MASP2: variants seen among roughly 807,000 people sequenced by gnomAD.
The protein encoded by MASP2 is mannan-binding lectin serine protease 2.
A neutral mutation model predicts 57.1 loss-of-function variants in MASP2; 49 were observed. That is an observed-to-expected ratio of 0.86 (90% CI 0.68 to 1.09). The LOEUF (loss-of-function observed/expected upper bound fraction) is 1.09. Ranked by LOEUF, MASP2 falls within the 50% of genes least tolerant of loss-of-function variation. MASP2 has a pLI of 0.00. For synonymous variants in MASP2, 379 were observed against 340.8 expected, an observed-to-expected ratio of 1.11 and a Z score of -1.24; for missense variants, 900 against 874.8, an observed-to-expected ratio of 1.03 and a Z score of -0.36.
At chr1:11,033,304 G>A (rs1291219579) in intron 8 of MASP2, among the ~76,000 whole-genome samples, 2 of 151,078 alleles carry the variant, frequency 1.3e-5, no homozygotes, top group African/African-American at 2.4e-5. Context: ...CTCCAGCCTG[G>A]GCAACAAGAA....
chr1:11,046,850 C>G, intron 2 of MASP2, 41 bp downstream of exon 2: 1 of 1,551,308 alleles, frequency 6.4e-7, no homozygotes, highest in Non-Finnish European at 8.7e-7. Flanking sequence ...TTGGGGACCC[C>G]CCGACCCTGA....
chr1:11,043,223 G>A (rs997341893), intron 5 of MASP2, 116 bp downstream of exon 5: 42 of 1,057,284 alleles, frequency 4.0e-5, no homozygotes, highest in Non-Finnish European at 5.2e-5. Flanking sequence ...CACCTGAAGA[G>A]GTGGGGGTCA....
intron 6 of MASP2, among the ~76,000 whole-genome samples, chr1:11,041,636 TGG>T (rs1638443682): frequency 6.9e-6 from 1 of 144,954 alleles, no homozygotes. Context: ...GATGGATGGA[TGG>T]AATGATGGGT....
In MASP2 at chr1:11,046,972, T is replaced by C. The variant is rs772284806; in HGVS notation, c.153A>G (p.Ala51=). The stretch of plus-strand genomic sequence containing the variant: ...AGAGGCGCAGGCGGTAGCCGGGGGG[T>C]GCAGTCAGGGTCCAGCGCCGCTCCT... ...NDQERRWTLT[A]PPGYRLRLYF... Residue 51 remains alanine, a synonymous_variant, in exon 2 of 11, where the codon GCA becomes GCG. Transcript: ENST00000400897. The C allele has an allele frequency of 1.3e-6, 2 of 1,559,928 alleles. No homozygotes were observed. The highest frequency in any genetic ancestry group is 1.2e-5 in the South Asian group (1 of 84,742).
intron 10 of MASP2, among the ~76,000 whole-genome samples, chr1:11,029,211 A>C (rs1370468189): frequency 6.6e-6 from 1 of 151,664 alleles, no homozygotes; most frequent in Admixed American, 6.6e-5. Context: ...CATGTTGGCC[A>C]AGATGGTCTC....
At chr1:11,033,963 ACACTCT>A (rs1421168752) in intron 8 of MASP2, among the ~76,000 whole-genome samples, 287 of 8,446 alleles carry the variant, frequency 0.034, no homozygotes, top group East Asian at 0.072. Flanking sequence ...ACACACACAC[ACACTCT>A]CTCTCTCTCT....
intron 6 of MASP2, among the ~76,000 whole-genome samples, chr1:11,042,345 C>A (rs142840739): frequency 6.9e-6 from 1 of 143,986 alleles, no homozygotes; most frequent in Non-Finnish European, 1.5e-5. Flanking sequence ...GATGAATGGA[C>A]TGATGATAGA....
intron 8 of MASP2, among the ~76,000 whole-genome samples, chr1:11,031,088 A>G (rs1202786365): frequency 6.6e-6 from 1 of 151,848 alleles, no homozygotes; most frequent in Non-Finnish European, 1.5e-5. Flanking sequence ...TGTCCCAATT[A>G]CTTGAGAGGC....
At position 11,046,992 on chromosome 1, in the gene MASP2, G is replaced by A. The variant is rs765034196; in HGVS notation, c.133C>T (p.Arg45Trp). 15 of 1,555,398 alleles carry A rather than the reference G, an allele frequency of 9.6e-6. No individual in the cohort carries two copies. The highest frequency in any genetic ancestry group is 4.1e-5 in the African/African-American group (3 of 73,390). ...GGGGGTGCAGTCAGGGTCCAGCGCCGCTCCTGGTCATTGGCATACTCCCCT... is the reference window on the plus strand; with the variant it reads ...GGGGGTGCAGTCAGGGTCCAGCGCCACTCCTGGTCATTGGCATACTCCCCT... ...FPGEYANDQE[R>W]RWTLTAPPGY... Residue 45 changes from arginine (R) to tryptophan (W), a missense_variant, in exon 2 of 11, where the codon CGG becomes TGG. Physicochemically the swap from Arg to Trp is moderately radical, Grantham distance 101. Transcript: ENST00000400897.
In MASP2 at chr1:11,027,229, A is replaced by C. The variant is rs1187379200; in HGVS notation, c.1717T>G (p.Trp573Gly). The C allele has an allele frequency of 6.2e-7, 1 of 1,614,256 alleles. No homozygotes were observed. ...RTDDIGTASGWGLTQRGFLAR... is the reference protein window; with the variant it reads ...RTDDIGTASGGGLTQRGFLAR... ...AGAAAACCCCTTTGGGTTAATCCCC[A>C]TCCAGATGCAGTTCCAATGTCATCT... The change falls in exon 11 of 11, where the codon TGG becomes GGG. Residue 573 changes from tryptophan (W) to glycine (G), a missense_variant. Transcript: ENST00000400897.
chr1:11,027,201 G>A lies in MASP2; in HGVS notation c.1745C>T (p.Ala582Val). The A allele has an allele frequency of 6.2e-7, 1 of 1,614,140 alleles. No individual in the cohort carries two copies. The highest frequency in any genetic ancestry group is 8.5e-7 in the Non-Finnish European group (1 of 1,180,034). The change falls in exon 11 of 11, where the codon GCT becomes GTT. Residue 582 changes from alanine to valine, a missense_variant. Physicochemically the swap from Ala to Val is moderately conservative, Grantham distance 64. Coordinates refer to ENST00000400897, the MANE Select transcript of MASP2 (RefSeq NM_006610.4). Reference protein sequence around the residue: ...GWGLTQRGFLARNLMYVDIPI... With the variant: ...GWGLTQRGFLVRNLMYVDIPI... Reference sequence around the variant, plus strand: ...TATGTCGACATACATTAGATTTCTAGCAAGAAAACCCCTTTGGGTTAATCC... The same window carrying A: ...TATGTCGACATACATTAGATTTCTAACAAGAAAACCCCTTTGGGTTAATCC...
intron 8 of MASP2, among the ~76,000 whole-genome samples, chr1:11,031,652 T>C (rs1643848264): frequency 6.6e-6 from 1 of 151,548 alleles, no homozygotes. Flanking sequence ...TTGGAGGAGC[T>C]GGGCTCGGTG....
chr1:11,031,430 G>A (rs1470745796), intron 8 of MASP2, among the ~76,000 whole-genome samples: 1 of 150,356 alleles, frequency 6.7e-6, no homozygotes, highest in Non-Finnish European at 1.5e-5. Context: ...TCGGGAGGCT[G>A]AGGCAGGAGA....
intron 4 of MASP2, chr1:11,044,836 T>C: frequency 7.2e-7 from 1 of 1,395,668 alleles, no homozygotes; most frequent in Non-Finnish European, 9.5e-7. Flanking sequence ...CCATGGTGGG[T>C]GAATGGGAGT....
chr1:11,042,909 G>A lies in MASP2; in HGVS notation c.855C>T (p.Asp285=), dbSNP rs1222660758. 1 of 1,613,850 alleles carries A rather than the reference G, an allele frequency of 6.2e-7. No homozygotes were observed. Residue 285 remains aspartate, a synonymous_variant, in exon 6 of 11, where the codon GAC becomes GAT. Coordinates refer to ENST00000400897, the MANE Select transcript of MASP2 (RefSeq NM_006610.4). Reference sequence around the variant, plus strand: ...TGTAGTGGATCTTCCAGCCTGTGTGGTCTCCTGATTCATCTGTGACAAAGG... The same window carrying A: ...TGTAGTGGATCTTCCAGCCTGTGTGATCTCCTGATTCATCTGTGACAAAGG... The part of the protein sequence containing the change: ...TITFVTDESG[D]HTGWKIHYTS...
At chr1:11,034,697 T>G in intron 8 of MASP2, 131 bp downstream of exon 8, 1 of 486,668 alleles carries the variant, frequency 2.1e-6, no homozygotes, top group South Asian at 2.6e-5. Flanking sequence ...AGACCCTGTC[T>G]CAGAAAAAAA....
Position 11,030,752 on chromosome 1 carries a change from A to G in MASP2, c.1218T>C (p.Asn406=). 6.2e-7 allele frequency: 1 copy of G among 1,602,134 alleles called. No individual in the cohort carries two copies. The highest frequency in any genetic ancestry group is 8.5e-7 in the Non-Finnish European group (1 of 1,176,104). Residue 406 remains asparagine, a synonymous_variant, in exon 9 of 11, where the codon AAT becomes AAC. Transcript: ENST00000400897. ...CEETFYTMKV[N]DGKYVCEADG... ...AACTTTGAAGAATTTGCATACCATCATTCACTTTCATTGTGTAGAAGGTCT... is the reference window on the plus strand; with the variant it reads ...AACTTTGAAGAATTTGCATACCATCGTTCACTTTCATTGTGTAGAAGGTCT...
rs758938472 is a variant in MASP2, at chr1:11,047,216, C to G, written c.-9G>C. On this transcript the variant is annotated 5_prime_UTR_variant, in exon 1 of 11. Transcript: ENST00000400897. ...GCGCCCACCTACCTCATGGTGTGCC[C>G]GTCCAGCTGGCCTGGCCTGGTCTGC... 3.1e-5 allele frequency: 48 copies of G among 1,560,834 alleles called. No homozygotes were observed. Among genetic ancestry groups the G allele is most frequent in the Non-Finnish European group, 3.9e-5 (45 of 1,155,900 alleles).
chr1:11,040,858 G>GGA (rs1638402683), intron 6 of MASP2, among the ~76,000 whole-genome samples: 2 of 149,962 alleles, frequency 1.3e-5, no homozygotes, highest in Non-Finnish European at 3.0e-5. Flanking sequence ...GAATGGGTGG[G>GGA]TGGATGGATG....
Sources: gnomAD v4.1 joint callset for allele counts (sites outside exome capture counted in the v4.1 genomes callset) on GRCh38, gnomAD v4.1.1 for gene constraint, MANE v1.5 for transcripts, NCBI Gene and HGNC (gene_info 2026-07-23, HGNC 2026-07-21) for gene names.